The following ATN1 variants were observed in gnomAD, a reference collection of about 807,000 sequenced individuals.
The protein encoded by ATN1 is atrophin-1.
Under a neutral mutation model 85.8 loss-of-function variants are expected in ATN1, and 19 were observed. The observed-to-expected ratio is 0.22, with a 90% CI of 0.15 to 0.32. The LOEUF is 0.32. Ranked by LOEUF, ATN1 falls within the 10% of genes least tolerant of loss-of-function variation. The pLI, the probability that ATN1 is intolerant of heterozygous loss-of-function variation, is 1.00. For missense variants in ATN1, 1,453 were observed against 1,564.5 expected (o/e 0.93, Z 1.20); for synonymous variants, 674 against 657.0 (o/e 1.03, Z -0.39).
In ATN1 at chr12:6,941,559, C is replaced by T. The variant is rs1945635141; in HGVS notation, c.3539+5C>T. 2 of 1,612,412 alleles carry T rather than the reference C, an allele frequency of 1.2e-6. No individual in the cohort carries two copies. Among genetic ancestry groups the T allele is most frequent in the Non-Finnish European group, 1.7e-6 (2 of 1,179,640 alleles). On this transcript the variant is annotated splice_donor_5th_base_variant and intron_variant, in intron 9 of 9. Transcript: ENST00000396684. The surrounding 1 kb of genome is among the most constrained non-coding windows in gnomAD (Gnocchi z 5.9). ...TGCCCAGGAGGACTACTACAGGTAC[C>T]CTAGGGTGCCCCAGCCCAGGGGACA...
rs782365309 is a variant in ATN1 at position 6,941,567 on chromosome 12, GC to G, written c.3539+17del. 6.8e-6 allele frequency: 11 copies of G among 1,612,394 alleles called. No individual in the cohort carries two copies. In the South Asian group the frequency reaches 1.2e-4, roughly 18 times the overall value. On this transcript the variant is annotated intron_variant, in intron 9 of 9. Transcript: ENST00000396684. This position sits in a 1 kb window ranked among gnomAD's most constrained non-coding sequence, Gnocchi z 5.9. ...AGGACTACTACAGGTACCCTAGGGT[GC>G]CCCAGCCCAGGGGACATGGGCTCAG...
Position 6,937,294 on chromosome 12 carries a change from C to A in ATN1, c.2027C>A (p.Thr676Asn), listed in dbSNP as rs1945559691. ...RTGTPPGYRG[T>N]SPPAGPGTFK... Reference sequence around the variant, plus strand: ...GGGACCCCACCGGGCTATCGAGGAACCTCGCCACCTGCAGGCCCAGGGACC... The same window carrying A: ...GGGACCCCACCGGGCTATCGAGGAAACTCGCCACCTGCAGGCCCAGGGACC... Residue 676 changes from threonine (T) to asparagine (N), a missense_variant, in exon 5 of 10, where the codon ACC becomes AAC. By Grantham distance (65) the Thr-to-Asn change is moderately conservative (BLOSUM62 0). Around this residue, in one of 6 missense-constraint regions of ATN1, gnomAD observed 990 missense variants for 914.8 expected, o/e 1.08. Transcript: ENST00000396684. This position sits in a 1 kb window ranked among gnomAD's most constrained non-coding sequence, Gnocchi z 6.0. The A allele has an allele frequency of 6.3e-7, 1 of 1,597,488 alleles. No individual in the cohort carries two copies.
intron 1 of ATN1, among the ~76,000 whole-genome samples, chr12:6,930,522 G>T (rs1339360647): frequency 2.0e-5 from 3 of 152,182 alleles, no homozygotes; most frequent in African/African-American, 7.2e-5. Flanking sequence ...ATGGCAGTGC[G>T]CAGTGGCTCA....
intron 7 of ATN1, 127 bp downstream of exon 7, chr12:6,939,304 G>T: frequency 7.4e-7 from 1 of 1,356,810 alleles, no homozygotes; most frequent in East Asian, 2.5e-5. Flanking sequence ...TGAGATTGCT[G>T]CCCTGAACTT....
At position 6,935,690 on chromosome 12, in the gene ATN1, G is replaced by C. The variant is rs376932440; in HGVS notation, c.423G>C (p.Val141=). 104 of 1,613,824 alleles carry C rather than the reference G, an allele frequency of 6.4e-5. No homozygotes were observed. The highest frequency in any genetic ancestry group is 8.6e-5 in the Non-Finnish European group (101 of 1,179,916). ...TSPSIYSPGS[V]ENDSDSSSGL... ...CCAGTATCTACAGCCCTGGAAGTGT[G>C]GAGAATGACTCTGACTCATCTTCTG... Residue 141 remains valine, a synonymous_variant, in exon 5 of 10, where the codon GTG becomes GTC. Coordinates refer to ENST00000396684, the MANE Select transcript of ATN1 (RefSeq NM_001940.4). The surrounding 1 kb of genome is among the most constrained non-coding windows in gnomAD (Gnocchi z 5.3).
At chr12:6,929,052 G>C (rs73262849) in intron 1 of ATN1, among the ~76,000 whole-genome samples, 3,120 of 152,260 alleles carry the variant, frequency 0.02, 106 homozygotes, top group African/African-American at 0.07. Flanking sequence ...TTCCCCTACT[G>C]CAGGTCACCT....
upstream of ATN1, among the ~76,000 whole-genome samples, chr12:6,926,491 T>C (rs782817449): frequency 4.9e-4 from 74 of 151,940 alleles, no homozygotes; most frequent in African/African-American, 1.7e-3. Context: ...CTTTTTTTTT[T>C]TGAGACGGCG....
intron 1 of ATN1, among the ~76,000 whole-genome samples, chr12:6,930,303 C>G (rs1210404269): frequency 1.3e-5 from 2 of 152,090 alleles, no homozygotes; most frequent in Non-Finnish European, 2.9e-5. Context: ...TCTGGCAGGT[C>G]CAGAATGATG....
chr12:6,936,793 C>A lies in ATN1; in HGVS notation c.1526C>A (p.Pro509His). 3 of 1,607,706 alleles carry A rather than the reference C, an allele frequency of 1.9e-6. No homozygotes were observed. The highest frequency in any genetic ancestry group is 2.5e-6 in the Non-Finnish European group (3 of 1,176,824). Residue 509 changes from proline to histidine, a missense_variant, in exon 5 of 10, where the codon CCC becomes CAC. By Grantham distance (77) the Pro-to-His change is moderately conservative. This residue lies in a region of ATN1 where 990 missense variants were observed against 914.8 expected (regional missense o/e 1.08). Coordinates refer to ENST00000396684, the MANE Select transcript of ATN1 (RefSeq NM_001940.4). ...QQQQHHGNSG[P>H]PPPGAFPHPL... ...CAGCAGCATCACGGAAACTCTGGGC[C>A]CCCTCCTCCTGGAGCATTTCCCCAC...
In ATN1 at chr12:6,936,661, C is replaced by T; in HGVS notation, c.1394C>T (p.Ser465Phe). The stretch of plus-strand genomic sequence containing the variant: ...GCCCATCCAGGCCCCTTCCCTCCCT[C>T]TACTGGGGCCCAGTCCACCGCCCAC... ...SNAHPGPFPP[S>F]TGAQSTAHPP... The change falls in exon 5 of 10, where the codon TCT (serine) becomes TTT (phenylalanine). Residue 465 changes from serine to phenylalanine, a missense_variant. Ser to Phe is a radical substitution (Grantham distance 155). Around this residue, in one of 6 missense-constraint regions of ATN1, gnomAD observed 990 missense variants for 914.8 expected, o/e 1.08. Transcript: ENST00000396684. 3 of 1,613,812 alleles carry T rather than the reference C, an allele frequency of 1.9e-6. No individual in the cohort carries two copies. Among genetic ancestry groups the T allele is most frequent in the Non-Finnish European group, 2.5e-6 (3 of 1,179,958 alleles).
rs773159429 is a variant in ATN1, at chr12:6,937,730, G to T, written c.2295-115G>T. ...CCAGTGAGGCCCGCAGCAGCTCACAGCCTGCAGGGGTGGTTTTGAGGCGGG... is the reference window on the plus strand; with the variant it reads ...CCAGTGAGGCCCGCAGCAGCTCACATCCTGCAGGGGTGGTTTTGAGGCGGG... On this transcript the variant is annotated intron_variant, in intron 5 of 9. Transcript: ENST00000396684. The surrounding 1 kb of genome is among the most constrained non-coding windows in gnomAD (Gnocchi z 6.0). The T allele has an allele frequency of 3.4e-6, 5 of 1,451,176 alleles. No homozygotes were observed. The highest frequency in any genetic ancestry group is 1.5e-5 in the South Asian group (1 of 68,690). 89.9% of individuals were successfully genotyped at this position (1,451,176 alleles called of 1,614,324 possible).
In ATN1 at chr12:6,935,624, C is replaced by T. The variant is rs149260210; in HGVS notation, c.357C>T (p.Ser119=). Residue 119 remains serine, a synonymous_variant, in exon 5 of 10, where the codon AGC becomes AGT. Coordinates refer to ENST00000396684, the MANE Select transcript of ATN1 (RefSeq NM_001940.4). This position sits in a 1 kb window ranked among gnomAD's most constrained non-coding sequence, Gnocchi z 5.3. ...GGAGCCTTAATGATGATGGCAGCAG[C>T]GACCCTAGGGATATCGACCAGGACA... is the stretch of plus-strand genomic sequence containing the variant. ...DGRSLNDDGS[S]DPRDIDQDNR... The T allele has an allele frequency of 7.8e-5, 126 of 1,613,912 alleles. 1 individual carries two copies. Among genetic ancestry groups the T allele is most frequent in the Admixed American group, 1.7e-4 (10 of 59,998 alleles).
In ATN1 at chr12:6,935,043, A is replaced by G. The variant is rs782412952; in HGVS notation, c.279+465A>G. ...GCTGGGATTATAGGCATGAGCCACC[A>G]TGCCCGGCTAATTTTTGTATTTTTG... On this transcript the variant is annotated intron_variant, in intron 4 of 9. Transcript: ENST00000396684. This position sits in a 1 kb window ranked among gnomAD's most constrained non-coding sequence, Gnocchi z 5.3. Among the ~76,000 whole-genome samples, 96 of 152,254 alleles carry G rather than the reference A, an allele frequency of 6.3e-4. No individual in the cohort carries two copies. Among genetic ancestry groups the G allele is most frequent in the African/African-American group, 2.1e-3 (86 of 41,560 alleles).
intron 1 of ATN1, among the ~76,000 whole-genome samples, chr12:6,929,345 A>G (rs782449868): frequency 6.6e-6 from 1 of 152,202 alleles, no homozygotes; most frequent in Admixed American, 6.5e-5. Context: ...TTTGAGCTCA[A>G]AGATCTCCCT....
In ATN1 at chr12:6,939,186, C is replaced by T. The variant is rs1555144365; in HGVS notation, c.3214+9C>T. ...AGATGCTATCCATGCAGGTGAGACC[C>T]CTCCTTCCTTGCCCTGGCCCTTTGG... On this transcript the variant is annotated intron_variant, in intron 7 of 9. Transcript: ENST00000396684. 6.3e-7 allele frequency: 1 copy of T among 1,585,366 alleles called. No homozygotes were observed. The highest frequency in any genetic ancestry group is 8.5e-7 in the Non-Finnish European group (1 of 1,169,598).
At position 6,937,998 on chromosome 12, in the gene ATN1, GCGCGAGCGCGAGCGGGAA is replaced by G. The variant is rs1179254056; in HGVS notation, c.2455_2472del (p.Arg819_Glu824del). The G allele has an allele frequency of 6.5e-7, 1 of 1,542,992 alleles. No individual in the cohort carries two copies. The highest frequency in any genetic ancestry group is 2.4e-5 in the East Asian group (1 of 40,910). Reference sequence around the variant, plus strand: ...AGCAGCGCGCGCGCGAAGAAAAGGAGCGCGAGCGCGAGCGGGAACGCGAGAAAGAGCGCGAGCGCGAGA... The same window carrying G: ...AGCAGCGCGCGCGCGAAGAAAAGGAGCGCGAGAAAGAGCGCGAGCGCGAGA... On this transcript the variant is annotated inframe_deletion, in exon 6 of 10. Coordinates refer to ENST00000396684, the MANE Select transcript of ATN1 (RefSeq NM_001940.4). The surrounding 1 kb of genome is among the most constrained non-coding windows in gnomAD (Gnocchi z 6.0).
intron 1 of ATN1, 69 bp from the exon 2 acceptor site, chr12:6,933,771 C>G: frequency 6.6e-6 from 4 of 608,118 alleles, no homozygotes; most frequent in South Asian, 6.1e-5. Context: ...AGTTCTCTGA[C>G]AAGCAGAATA....
chr12:6,941,922 G>C lies in ATN1; in HGVS notation c.*142G>C, dbSNP rs1338660560. On this transcript the variant is annotated 3_prime_UTR_variant, in exon 10 of 10. Transcript: ENST00000396684. This position sits in a 1 kb window ranked among gnomAD's most constrained non-coding sequence, Gnocchi z 5.9. ...GGGCCTCCGCAGCTGGACAGAGAGT[G>C]GGGGAGGGAGGGACAGACAGAAGGC... 3 of 810,358 alleles carry C rather than the reference G, an allele frequency of 3.7e-6. No individual in the cohort carries two copies. Among genetic ancestry groups the C allele is most frequent in the South Asian group, 1.5e-5 (1 of 65,438 alleles). The allele number at this position is 810,358 out of a possible 1,614,324, so 50.2% of individuals were successfully genotyped here.
chr12:6,932,028 C>G (rs1465913536), intron 1 of ATN1, among the ~76,000 whole-genome samples: 4 of 103,134 alleles, frequency 3.9e-5, no homozygotes, highest in Non-Finnish European at 5.4e-5. Context: ...GAGTGAAACT[C>G]TGTCTCAAAA....
Sources: gnomAD v4.1 joint callset for allele counts (sites outside exome capture counted in the v4.1 genomes callset) on GRCh38, gnomAD v4.1.1 for gene constraint, gnomAD v4.1.1 regional missense constraint, Gnocchi (gnomAD v3.1) non-coding constraint, MANE v1.5 for transcripts, NCBI Gene and HGNC (gene_info 2026-07-23, HGNC 2026-07-21) for gene names.